The following STMN3 variants were observed in gnomAD, a reference collection of about 807,000 sequenced individuals.
The protein encoded by STMN3 is stathmin 3, also known as stathmin-3.
In STMN3, 24 loss-of-function variants were observed where a neutral mutation model predicts 23.2. The observed-to-expected ratio is 1.03, with a 90% confidence interval of 0.75 to 1.45. The LOEUF (loss-of-function observed/expected upper bound fraction) is 1.45, where lower values mean the gene tolerates loss of function less well. STMN3 is among the 40% of genes most tolerant of loss of function. The pLI, the probability that STMN3 is intolerant of heterozygous loss-of-function variation, is 0.00. For synonymous variants in STMN3, 117 were observed against 103.4 expected (o/e 1.13, Z -0.80); for missense variants, 235 against 237.6 (o/e 0.99, Z 0.07).
At position 63,644,326 on chromosome 20, in the gene STMN3, G is replaced by A. The variant is rs2089792791; in HGVS notation, c.20-17C>T. The A allele has an allele frequency of 6.2e-7, 1 of 1,602,368 alleles. No homozygotes were observed. On this transcript the variant is annotated splice_polypyrimidine_tract_variant and intron_variant, in intron 1 of 4. Coordinates refer to ENST00000370053, the MANE Select transcript of STMN3 (RefSeq NM_015894.4). ...CCTTGTAGGCTGTGGGCACAAGGCTGGGCTGAGCAAGCACCACTGGGGCCT... is the reference window on the plus strand; with the variant it reads ...CCTTGTAGGCTGTGGGCACAAGGCTAGGCTGAGCAAGCACCACTGGGGCCT...
At chr20:63,647,991 T>TATACACACAC (rs1288050001) in intron 1 of STMN3, among the ~76,000 whole-genome samples, 1 of 75,894 alleles carries the variant, frequency 1.3e-5, no homozygotes, top group African/African-American at 4.8e-5. Context: ...CATATATATA[T>TATACACACAC]ACAGAGAGAG....
At chr20:63,642,792 G>A (rs890265014) in intron 3 of STMN3, among the ~76,000 whole-genome samples, 13 of 152,136 alleles carry the variant, frequency 8.5e-5, no homozygotes, top group African/African-American at 2.9e-4. Context: ...TGCTGGGGGA[G>A]GGGCCGGCTG....
chr20:63,647,345 G>C (rs1444576550), intron 1 of STMN3, among the ~76,000 whole-genome samples: 1 of 149,842 alleles, frequency 6.7e-6, no homozygotes, highest in East Asian at 2.0e-4. Context: ...GGCCGGGCAT[G>C]GTGGCTCACG....
chr20:63,642,152 G>C lies in STMN3; in HGVS notation c.439C>G (p.Arg147Gly). 1 of 1,488,486 alleles carries C rather than the reference G, an allele frequency of 6.7e-7. No homozygotes were observed. The highest frequency in any genetic ancestry group is 1.2e-5 in the South Asian group (1 of 84,152). The allele number at this position is 1,488,486 out of a possible 1,614,324, so 92.2% of individuals were successfully genotyped here. A position where few individuals can be genotyped will look rare whatever the true frequency, so the allele number is the denominator to read the frequency against. The stretch of plus-strand genomic sequence containing the variant: ...CGCAGTGCGGCCAGGTGTGCCTCGC[G>C]GATCTCCTTGCTGAGCTCCATCTTG... ...NYKMELSKEIREAHLAALRER... is the reference protein window; with the variant it reads ...NYKMELSKEIGEAHLAALRER... Residue 147 changes from arginine (R) to glycine (G), a missense_variant, in exon 4 of 5, where the codon CGC becomes GGC. Arg to Gly is a moderately radical substitution (Grantham distance 125). Transcript: ENST00000370053.
chr20:63,649,890 G>A (rs78577441), intron 1 of STMN3, among the ~76,000 whole-genome samples: 1 of 148,340 alleles, frequency 6.7e-6, no homozygotes, highest in Non-Finnish European at 1.5e-5. Context: ...GCAGTGGCGC[G>A]ATGTCGGCTC....
intron 1 of STMN3, 103 bp downstream of exon 1, chr20:63,653,224 A>C: frequency 7.0e-7 from 1 of 1,419,304 alleles, no homozygotes; most frequent in South Asian, 1.3e-5. Flanking sequence ...AGGGTAGGAG[A>C]AGGGAAATTG....
At position 63,652,546 on chromosome 20, in the gene STMN3, G is replaced by A. The variant is rs1569072055; in HGVS notation, c.19+781C>T. 2 of 983,110 alleles carry A rather than the reference G, an allele frequency of 2.0e-6. No individual in the cohort carries two copies. Among genetic ancestry groups the A allele is most frequent in the South Asian group, 4.7e-5 (1 of 21,248 alleles). The allele number at this position is 983,110 out of a possible 1,614,324, so 60.9% of individuals were successfully genotyped here. A position where few individuals can be genotyped will look rare whatever the true frequency, so the allele number is the denominator to read the frequency against. ...CCTCCGCCTGAGCTCCGCGCGGGAC[G>A]GGCCGGGAGGCCGGGGTGGGCGCTA... On this transcript the variant is annotated intron_variant, in intron 1 of 4. Coordinates refer to ENST00000370053, the MANE Select transcript of STMN3 (RefSeq NM_015894.4). This position sits in a 1 kb window ranked among gnomAD's most constrained non-coding sequence, Gnocchi z 5.3.
intron 1 of STMN3, among the ~76,000 whole-genome samples, chr20:63,647,793 A>G (rs947844144): frequency 4.7e-5 from 6 of 127,496 alleles, no homozygotes; most frequent in Non-Finnish European, 1.0e-4. Flanking sequence ...TATATAATAT[A>G]TATACGTATA....
chr20:63,642,289 G>A lies in STMN3; in HGVS notation c.302C>T (p.Ala101Val). The A allele has an allele frequency of 6.5e-7, 1 of 1,530,030 alleles. No homozygotes were observed. Among genetic ancestry groups the A allele is most frequent in the South Asian group, 1.2e-5 (1 of 83,254 alleles). 94.8% of individuals were successfully genotyped at this position (1,530,030 alleles called of 1,614,324 possible). A position where few individuals can be genotyped will look rare whatever the true frequency, so the allele number is the denominator to read the frequency against. ...CTCCGCCAGCTGCTTCAGCACCTGC[G>A]CCTCCTGCGTCTGTGCGGGGCCGGC... ...AAEERRKTQE[A>V]QVLKQLAERR... is the part of the protein sequence containing the mutation. Residue 101 changes from alanine (A) to valine (V), a missense_variant, in exon 4 of 5, where the codon GCG becomes GTG. Coordinates refer to ENST00000370053, the MANE Select transcript of STMN3 (RefSeq NM_015894.4).
At chr20:63,641,451 C>A in intron 4 of STMN3, 54 bp from the exon 5 acceptor site, 1 of 1,469,752 alleles carries the variant, frequency 6.8e-7, no homozygotes, top group Non-Finnish European at 9.3e-7. Context: ...GGGGCGACTC[C>A]GGGAACCCCC....
rs752861008 is a variant in STMN3, at chr20:63,653,310, G to T, written c.19+17C>A. The T allele has an allele frequency of 6.5e-6, 10 of 1,545,996 alleles. No homozygotes were observed. In the South Asian group the frequency reaches 9.5e-5, roughly 15 times the overall value. The stretch of plus-strand genomic sequence containing the variant: ...CAGATCCCGCCGCCCCACAAAGCCC[G>T]TGGCCCCGGAGCCTACCGGAAATGG... On this transcript the variant is annotated intron_variant, in intron 1 of 4. Transcript: ENST00000370053.
rs1407199116 is a variant in STMN3 at position 63,639,900 on chromosome 20, G to A, written c.*1438C>T. Reference sequence around the variant, plus strand: ...ACAAAAGCCAGATGTGGACAGCCTTGGGTTCCCATCCCAGCTGGCTGCTCC... The same window carrying A: ...ACAAAAGCCAGATGTGGACAGCCTTAGGTTCCCATCCCAGCTGGCTGCTCC... On this transcript the variant is annotated 3_prime_UTR_variant, in exon 5 of 5. Coordinates refer to ENST00000370053, the MANE Select transcript of STMN3 (RefSeq NM_015894.4). The A allele has an allele frequency of 6.6e-6, 1 of 152,332 alleles. No homozygotes were observed. 9.4% of individuals were successfully genotyped at this position (152,332 alleles called of 1,614,324 possible). A position where few individuals can be genotyped will look rare whatever the true frequency, so the allele number is the denominator to read the frequency against.
In STMN3 at chr20:63,640,065, C is replaced by T. The variant is rs562806237; in HGVS notation, c.*1273G>A. The stretch of plus-strand genomic sequence containing the variant: ...CTGGCAGTGCCCGGCCAAGGCCTCC[C>T]GCAGGATGGAAGTTGAGGGCCCTGG... On this transcript the variant is annotated 3_prime_UTR_variant, in exon 5 of 5. Coordinates refer to ENST00000370053, the MANE Select transcript of STMN3 (RefSeq NM_015894.4). 4.6e-5 allele frequency: 7 copies of T among 153,092 alleles called. No individual in the cohort carries two copies. The highest frequency in any genetic ancestry group is 2.1e-4 in the South Asian group (1 of 4,830). 9.5% of individuals were successfully genotyped at this position (153,092 alleles called of 1,614,324 possible). A position where few individuals can be genotyped will look rare whatever the true frequency, so the allele number is the denominator to read the frequency against.
intron 1 of STMN3, among the ~76,000 whole-genome samples, chr20:63,647,960 G>GTGTATATA (rs1424237875): frequency 3.7e-5 from 2 of 53,358 alleles, no homozygotes; most frequent in African/African-American, 2.0e-4. Flanking sequence ...ATATATATAT[G>GTGTATATA]TATATATATA....
intron 1 of STMN3, 143 bp downstream of exon 1, chr20:63,653,184 G>C: frequency 9.3e-7 from 1 of 1,075,110 alleles, no homozygotes; most frequent in South Asian, 1.8e-5. Flanking sequence ...CCCCAGCCTC[G>C]GGCGGGTCGG....
intron 1 of STMN3, among the ~76,000 whole-genome samples, chr20:63,649,829 C>T (rs2089843657): frequency 8.0e-6 from 1 of 124,826 alleles, no homozygotes; most frequent in Admixed American, 8.3e-5. Context: ...CGCGCCTGGA[C>T]TTTTTTTTTT....
At position 63,643,746 on chromosome 20, in the gene STMN3, G is replaced by A; in HGVS notation, c.291+10C>T. On this transcript the variant is annotated intron_variant, in intron 3 of 4. Coordinates refer to ENST00000370053, the MANE Select transcript of STMN3 (RefSeq NM_015894.4). Reference sequence around the variant, plus strand: ...AACTCCTGGGGGGTGGGGGATGGAGGACTCCTTGCCTTCCTCCGCTCCTCG... The same window carrying A: ...AACTCCTGGGGGGTGGGGGATGGAGAACTCCTTGCCTTCCTCCGCTCCTCG... The A allele has an allele frequency of 1.3e-6, 2 of 1,527,298 alleles. No homozygotes were observed. The highest frequency in any genetic ancestry group is 1.7e-6 in the Non-Finnish European group (2 of 1,147,324). The allele number at this position is 1,527,298 out of a possible 1,614,324, so 94.6% of individuals were successfully genotyped here.
chr20:63,643,967 C>A, intron 2 of STMN3, 36 bp from the exon 3 acceptor site: 2 of 1,582,924 alleles, frequency 1.3e-6, no homozygotes, highest in Non-Finnish European at 1.7e-6. Flanking sequence ...TTCAGAGGCC[C>A]GGCCAGGGCA....
chr20:63,647,922 A>G (rs1387325916), intron 1 of STMN3, among the ~76,000 whole-genome samples: 1 of 55,394 alleles, frequency 1.8e-5, no homozygotes, highest in African/African-American at 7.0e-5. Flanking sequence ...ATATATTAAT[A>G]TATATACGTA....
Sources: allele counts gnomAD v4.1 joint callset (sites outside exome capture counted in the v4.1 genomes callset), GRCh38; gene constraint gnomAD v4.1.1; non-coding constraint Gnocchi (gnomAD v3.1); transcripts MANE v1.5; gene names NCBI Gene and HGNC (gene_info 2026-07-23, HGNC 2026-07-21).